Variants in NALCN observed in about 807,000 individuals in gnomAD.
NALCN encodes the protein sodium leak channel NALCN.
Under a neutral mutation model 225.3 loss-of-function variants are expected in NALCN, and 111 were observed. The ratio of observed to expected loss-of-function variants is 0.49; its 90% CI spans 0.42 to 0.58. The LOEUF (loss-of-function observed/expected upper bound fraction) is 0.58. NALCN is among the 20% of genes least tolerant of loss of function. NALCN has a pLI of 0.00. For synonymous variants in NALCN, 764 were observed against 769.0 expected (o/e 0.99, Z 0.11); for missense variants, 1,378 against 2,202.4 (o/e 0.63, Z 7.49).
intron 40 of NALCN, among the ~76,000 whole-genome samples, chr13:101,062,793 A>C (rs2032062577): frequency 6.6e-6 from 1 of 151,930 alleles, no homozygotes; most frequent in South Asian, 2.1e-4. Context: ...AGTAGAGACG[A>C]GTTTTCACCA....
At chr13:101,241,440 T>C (rs916018526) in intron 11 of NALCN, among the ~76,000 whole-genome samples, 18 of 148,490 alleles carry the variant, frequency 1.2e-4, no homozygotes, top group Admixed American at 5.3e-4. Flanking sequence ...CATGATAACC[T>C]TTTTTTTTCT....
chr13:101,366,618 G>A (rs1439528123), intron 6 of NALCN, among the ~76,000 whole-genome samples: 4 of 152,030 alleles, frequency 2.6e-5, no homozygotes, highest in Admixed American at 2.6e-4. Flanking sequence ...TCGGAGATGT[G>A]TATAATACAT....
chr13:101,330,973 T>C (rs2045147423), intron 7 of NALCN, among the ~76,000 whole-genome samples: 1 of 152,212 alleles, frequency 6.6e-6, no homozygotes, highest in Admixed American at 6.5e-5. Context: ...ATTAAATCTT[T>C]TTCTTTATAA....
chr13:101,099,626 TATG>T (rs1464763230), intron 27 of NALCN, among the ~76,000 whole-genome samples: 1 of 152,210 alleles, frequency 6.6e-6, no homozygotes, highest in Non-Finnish European at 1.5e-5. Context: ...TGGGACACTT[TATG>T]ATATTACAAA....
chr13:101,247,576 C>T (rs976788372), intron 11 of NALCN, among the ~76,000 whole-genome samples: 2 of 152,114 alleles, frequency 1.3e-5, no homozygotes, highest in African/African-American at 4.8e-5. Context: ...AATTTACTCT[C>T]AGTAAAATTA....
chr13:101,266,264 C>G (rs2042593109), intron 10 of NALCN, among the ~76,000 whole-genome samples: 1 of 148,748 alleles, frequency 6.7e-6, no homozygotes, highest in Non-Finnish European at 1.5e-5. Context: ...ACAGGGAAGG[C>G]CTGAAGGTGT....
intron 14 of NALCN, among the ~76,000 whole-genome samples, chr13:101,182,824 G>T (rs757040032): frequency 1.3e-5 from 2 of 151,856 alleles, no homozygotes; most frequent in African/African-American, 2.4e-5. Flanking sequence ...GCCAGGAGGT[G>T]AGAATGACTT....
intron 43 of NALCN, 174 bp downstream of exon 43, chr13:101,057,765 G>T (rs970082772): frequency 1.2e-5 from 8 of 643,200 alleles, no homozygotes; most frequent in Non-Finnish European, 2.2e-5. Flanking sequence ...CATATTTAGA[G>T]AAGTTATTTT....
At chr13:101,212,316 A>C (rs2040554872) in intron 13 of NALCN, among the ~76,000 whole-genome samples, 2 of 152,194 alleles carry the variant, frequency 1.3e-5, no homozygotes, top group Non-Finnish European at 2.9e-5. Flanking sequence ...AGTGCTAGGC[A>C]CACAGTAAAT....
intron 12 of NALCN, 84 bp from the exon 13 acceptor site, chr13:101,229,668 A>G: frequency 2.0e-6 from 1 of 502,530 alleles, no homozygotes; most frequent in Non-Finnish European, 3.0e-6. Context: ...CTAAAATATT[A>G]TTTTATAGTG....
Position 101,059,893 on chromosome 13 carries a change from G to A in NALCN, c.4830C>T (p.Asn1610=). 1.2e-6 allele frequency: 2 copies of A among 1,614,032 alleles called. No homozygotes were observed. The highest frequency in any genetic ancestry group is 1.7e-4 in the Middle Eastern group (1 of 6,046). Residue 1610 remains asparagine (N), a synonymous_variant, in exon 42 of 44, where the codon AAC becomes AAT. Transcript: ENST00000251127. ...SQQQELSRFL[N]PPSIETTQPS... is the part of the protein sequence containing the mutation. ...GCTGGGTGGTCTCGATGCTGGGCGG[G>A]TTCAGAAACCGGCTCAGCTCTTGCT... is the stretch of plus-strand genomic sequence containing the variant.
intron 3 of NALCN, among the ~76,000 whole-genome samples, chr13:101,384,526 G>T (rs896973253): frequency 6.6e-6 from 1 of 152,100 alleles, no homozygotes; most frequent in African/African-American, 2.4e-5. Flanking sequence ...CATGAGAACA[G>T]GATTTATTGT....
chr13:101,266,800 AT>A (rs2042610820), intron 10 of NALCN, among the ~76,000 whole-genome samples: 1 of 152,200 alleles, frequency 6.6e-6, no homozygotes, highest in Non-Finnish European at 1.5e-5. Context: ...TAAATCTCCC[AT>A]TTGCAAGTGG....
chr13:101,281,009 T>C (rs1222744616), intron 10 of NALCN, among the ~76,000 whole-genome samples: 4 of 151,804 alleles, frequency 2.6e-5, no homozygotes, highest in Non-Finnish European at 5.9e-5. Flanking sequence ...GCCTCCCAAG[T>C]AGCTGGGATT....
intron 15 of NALCN, among the ~76,000 whole-genome samples, chr13:101,148,721 C>T (rs537393960): frequency 6.6e-6 from 1 of 152,274 alleles, no homozygotes; most frequent in African/African-American, 2.4e-5. Context: ...AGCAAATATT[C>T]AGTGAAGGAA....
At chr13:101,325,271 T>G (rs1219299643) in intron 7 of NALCN, among the ~76,000 whole-genome samples, 1 of 152,180 alleles carries the variant, frequency 6.6e-6, no homozygotes, top group African/African-American at 2.4e-5. Context: ...CTAGTACACT[T>G]GAGCTGTAGG....
chr13:101,184,225 T>C (rs998044586), intron 14 of NALCN, among the ~76,000 whole-genome samples: 1 of 152,160 alleles, frequency 6.6e-6, no homozygotes. Context: ...GTGTGGAAAA[T>C]GCCACATTAT....
chr13:101,233,224 C>T (rs143200965), intron 12 of NALCN, among the ~76,000 whole-genome samples: 26 of 152,284 alleles, frequency 1.7e-4, no homozygotes, highest in African/African-American at 6.0e-4. Flanking sequence ...AACACATTTT[C>T]CTGGTCACAT....
intron 18 of NALCN, among the ~76,000 whole-genome samples, chr13:101,115,923 T>C (rs2139666477): frequency 6.6e-6 from 1 of 152,174 alleles, no homozygotes; most frequent in East Asian, 1.9e-4. Context: ...CCTCAGCTTC[T>C]GCAACTGGGA....
Sources: gnomAD v4.1 joint callset for allele counts (sites outside exome capture counted in the v4.1 genomes callset) on GRCh38, gnomAD v4.1.1 for gene constraint, MANE v1.5 for transcripts, NCBI Gene and HGNC (gene_info 2026-07-23, HGNC 2026-07-21) for gene names.